The following NFIB variants were observed in gnomAD, a reference collection of about 807,000 sequenced individuals.
The protein encoded by NFIB is nuclear factor I B, also known as nuclear factor 1 B-type.
A neutral mutation model predicts 61.5 loss-of-function variants in NFIB; 11 were observed. The ratio of observed to expected loss-of-function variants is 0.18; its 90% CI spans 0.11 to 0.30. The LOEUF (loss-of-function observed/expected upper bound fraction) is 0.30. Ranked by LOEUF, NFIB falls within the 10% of genes least tolerant of loss-of-function variation. The probability of loss-of-function intolerance (pLI) is 1.00; values close to 1 mark genes in which losing one functional copy is unlikely to be tolerated. For synonymous variants in NFIB, 260 were observed against 216.5 expected (o/e 1.20, Z -1.76); for missense variants, 471 against 608.9 (o/e 0.77, Z 2.38).
intron 1 of NFIB, among the ~76,000 whole-genome samples, chr9:14,371,129 AC>A (rs1220477717): frequency 1.1e-4 from 16 of 151,650 alleles, no homozygotes; most frequent in African/African-American, 3.6e-4. Flanking sequence ...AAACAAACAA[AC>A]AAACAAACAA....
chr9:14,257,202 G>A (rs1406017252), intron 2 of NFIB, among the ~76,000 whole-genome samples: 1 of 152,156 alleles, frequency 6.6e-6, no homozygotes, highest in Admixed American at 6.5e-5. Context: ...GGGGAAGTAC[G>A]AGGTTACTCT....
Position 14,120,371 on chromosome 9 carries a change from T to C in NFIB, c.1245+69A>G. On this transcript the variant is annotated intron_variant, in intron 8 of 10. Transcript: ENST00000380953. The surrounding 1 kb of genome is among the most constrained non-coding windows in gnomAD (Gnocchi z 4.4). Reference sequence around the variant, plus strand: ...TGCCAGACACACTGTCTGACTAACCTTTGTGTCTCAGAATTAGATCTGTCC... The same window carrying C: ...TGCCAGACACACTGTCTGACTAACCCTTGTGTCTCAGAATTAGATCTGTCC... The C allele has an allele frequency of 1.3e-6, 2 of 1,513,860 alleles. No individual in the cohort carries two copies. Among genetic ancestry groups the C allele is most frequent in the South Asian group, 1.1e-5 (1 of 88,504 alleles). The allele number at this position is 1,513,860 out of a possible 1,614,324, so 93.8% of individuals were successfully genotyped here. A position where few individuals can be genotyped will look rare whatever the true frequency, so the allele number is the denominator to read the frequency against.
chr9:14,088,459 C>T, intron 10 of NFIB, 133 bp from the exon 11 acceptor site: 2 of 939,608 alleles, frequency 2.1e-6, no homozygotes, highest in Non-Finnish European at 2.8e-6. Flanking sequence ...AAATTACAGT[C>T]TAATATGAGA....
the NFIB span, among the ~76,000 whole-genome samples, chr9:14,506,867 G>GT: frequency 6.6e-6 from 1 of 152,076 alleles, no homozygotes; most frequent in Non-Finnish European, 1.5e-5. Flanking sequence ...GGCTTATTAG[G>GT]TTTTCTTTCT....
At chr9:14,280,800 A>G (rs536039932) in intron 2 of NFIB, among the ~76,000 whole-genome samples, 1 of 152,300 alleles carries the variant, frequency 6.6e-6, no homozygotes, top group African/African-American at 2.4e-5. Context: ...AAGAATCCTC[A>G]GGTATAGAAG....
chr9:14,368,088 A>T (rs1369760320), intron 1 of NFIB, among the ~76,000 whole-genome samples: 1 of 152,052 alleles, frequency 6.6e-6, no homozygotes, highest in East Asian at 1.9e-4. Flanking sequence ...TGGGACATGT[A>T]TACCTATGTA....
chr9:14,449,504 G>A, the NFIB span, among the ~76,000 whole-genome samples: 1 of 152,072 alleles, frequency 6.6e-6, no homozygotes, highest in East Asian at 1.9e-4. Flanking sequence ...CAAATGAGAT[G>A]GTAAAAAGCA....
intron 1 of NFIB, among the ~76,000 whole-genome samples, chr9:14,346,290 A>ACC (rs67699489): frequency 0.042 from 3,724 of 87,946 alleles, 333 homozygotes; most frequent in East Asian, 0.11. Context: ...GGTAACCGAC[A>ACC]CCCCCCCCCC....
chr9:14,316,443 TC>T (rs547201771), upstream of NFIB, among the ~76,000 whole-genome samples: 814 of 152,308 alleles, frequency 5.3e-3, 6 homozygotes, highest in Non-Finnish European at 7.0e-3. Context: ...GTTAACCCTT[TC>T]GGCCACACGC....
the NFIB span, among the ~76,000 whole-genome samples, chr9:14,479,462 G>A: frequency 6.6e-6 from 1 of 152,154 alleles, no homozygotes; most frequent in Non-Finnish European, 1.5e-5. Flanking sequence ...CTGACAATCT[G>A]TCCATGTCCC....
At chr9:14,277,663 G>C (rs2132397874) in intron 2 of NFIB, among the ~76,000 whole-genome samples, 1 of 152,268 alleles carries the variant, frequency 6.6e-6, no homozygotes, top group African/African-American at 2.4e-5. Context: ...GAAGCCAAAG[G>C]AATTTCAGAT....
At chr9:14,502,821 G>A in the NFIB span, among the ~76,000 whole-genome samples, 2 of 152,060 alleles carry the variant, frequency 1.3e-5, no homozygotes, top group East Asian at 1.9e-4. Flanking sequence ...TGAGATTTTG[G>A]TACACCCATC....
At chr9:14,175,157 T>G (rs1329152348) in intron 3 of NFIB, among the ~76,000 whole-genome samples, 1 of 137,914 alleles carries the variant, frequency 7.3e-6, no homozygotes, top group Non-Finnish European at 1.6e-5. Context: ...TTTTATGACT[T>G]AAAGAATTTC....
At chr9:14,306,263 G>A (rs182861068) in intron 2 of NFIB, among the ~76,000 whole-genome samples, 24 of 151,798 alleles carry the variant, frequency 1.6e-4, no homozygotes, top group Admixed American at 1.4e-3. Flanking sequence ...TTTCCTCCTC[G>A]GTAAGTTTTA....
intron 6 of NFIB, among the ~76,000 whole-genome samples, chr9:14,140,342 T>C (rs569412177): frequency 1.3e-5 from 2 of 152,270 alleles, no homozygotes; most frequent in South Asian, 2.1e-4. Flanking sequence ...TGAGATTATA[T>C]CATTTGTCAG....
At chr9:14,498,816 TTCCTCCCTTCCTC>T in the NFIB span, among the ~76,000 whole-genome samples, 4 of 69,062 alleles carry the variant, frequency 5.8e-5, no homozygotes, top group African/African-American at 8.7e-5. Flanking sequence ...CCTTCCTCCC[TTCCTCCCTTCCTC>T]CCTTCCTTCC....
At chr9:14,419,834 C>T in the NFIB span, among the ~76,000 whole-genome samples, 4 of 152,262 alleles carry the variant, frequency 2.6e-5, no homozygotes, top group Middle Eastern at 3.4e-3. Context: ...ACATATGAGG[C>T]GAACAATCCA....
At chr9:14,330,645 T>G (rs1421369756) in intron 1 of NFIB, among the ~76,000 whole-genome samples, 3 of 152,230 alleles carry the variant, frequency 2.0e-5, no homozygotes, top group Non-Finnish European at 4.4e-5. Context: ...TAGTTTGTAC[T>G]TGCAGTGCTT....
At chr9:14,393,179 G>A (rs949729790) in intron 1 of NFIB, among the ~76,000 whole-genome samples, 14 of 151,372 alleles carry the variant, frequency 9.2e-5, no homozygotes, top group African/African-American at 2.9e-4. Flanking sequence ...TCTTCCAATC[G>A]TGTCTCCTTA....
Sources: gnomAD v4.1 joint callset for allele counts (sites outside exome capture counted in the v4.1 genomes callset) on GRCh38, gnomAD v4.1.1 for gene constraint, Gnocchi (gnomAD v3.1) non-coding constraint, MANE v1.5 for transcripts, NCBI Gene and HGNC (gene_info 2026-07-23, HGNC 2026-07-21) for gene names.